The following ELAPOR2 variants were observed in gnomAD, a reference collection of about 807,000 sequenced individuals.
ELAPOR2 encodes the protein endosome/lysosome-associated apoptosis and autophagy regulator family member 2.
A neutral mutation model predicts 120.7 loss-of-function variants in ELAPOR2; 89 were observed. The observed-to-expected ratio is 0.74, with a 90% CI of 0.62 to 0.88. The LOEUF is 0.88. ELAPOR2 is among the 40% of genes least tolerant of loss of function. ELAPOR2 has a pLI of 0.00. For synonymous variants in ELAPOR2, 444 were observed against 444.9 expected (o/e 1.00, Z 0.03); for missense variants, 1,134 against 1,251.6 (o/e 0.91, Z 1.42).
chr7:86,985,616 A>T (rs1792699103), intron 1 of ELAPOR2, among the ~76,000 whole-genome samples: 1 of 152,188 alleles, frequency 6.6e-6, no homozygotes, highest in African/African-American at 2.4e-5. Flanking sequence ...TAGATGCAGA[A>T]AAGGCCTTCA....
At chr7:87,053,090 G>A (rs919912241) in intron 1 of ELAPOR2, among the ~76,000 whole-genome samples, 2 of 152,022 alleles carry the variant, frequency 1.3e-5, no homozygotes, top group African/African-American at 2.4e-5. Flanking sequence ...GGGCCACCTC[G>A]CCCAAACTGA....
intron 1 of ELAPOR2, among the ~76,000 whole-genome samples, chr7:87,047,063 A>G (rs541141127): frequency 2.0e-5 from 3 of 152,336 alleles, no homozygotes; most frequent in South Asian, 4.1e-4. Context: ...TTTTTGACAA[A>G]GGTACCAAGA....
intron 1 of ELAPOR2, among the ~76,000 whole-genome samples, chr7:86,975,847 T>C (rs1792266710): frequency 6.6e-6 from 1 of 152,136 alleles, no homozygotes; most frequent in Non-Finnish European, 1.5e-5. Context: ...TGGTAGGGAG[T>C]TACCGGGCTT....
intron 1 of ELAPOR2, among the ~76,000 whole-genome samples, chr7:86,968,615 T>C (rs1480922351): frequency 1.3e-5 from 2 of 152,226 alleles, no homozygotes; most frequent in African/African-American, 4.8e-5. Flanking sequence ...AGGTGCAGGC[T>C]GCTATAGAAA....
At position 86,880,543 on chromosome 7, in the gene ELAPOR2, A is replaced by G; in HGVS notation, c.3031-13T>C. On this transcript the variant is annotated splice_polypyrimidine_tract_variant and intron_variant, in intron 21 of 21. Coordinates refer to ENST00000450689, the MANE Select transcript of ELAPOR2 (RefSeq NM_001142749.3). Reference sequence around the variant, plus strand: ...GGTCTTCTTTTTCCTAAGAAAAAATATTAAAGACAAAATCAACTCACTGAA... The same window carrying G: ...GGTCTTCTTTTTCCTAAGAAAAAATGTTAAAGACAAAATCAACTCACTGAA... 2.0e-6 allele frequency: 3 copies of G among 1,534,400 alleles called. No individual in the cohort carries two copies. The highest frequency in any genetic ancestry group is 2.7e-6 in the Non-Finnish European group (3 of 1,109,614).
chr7:86,973,140 A>G (rs1302215613), intron 1 of ELAPOR2, among the ~76,000 whole-genome samples: 1 of 152,086 alleles, frequency 6.6e-6, no homozygotes, highest in Non-Finnish European at 1.5e-5. Flanking sequence ...TACACTCCAC[A>G]GCCAGTTCTA....
At chr7:86,948,381 C>T (rs958489536) in intron 2 of ELAPOR2, among the ~76,000 whole-genome samples, 1 of 152,178 alleles carries the variant, frequency 6.6e-6, no homozygotes, top group African/African-American at 2.4e-5. Flanking sequence ...TTATGCTAAT[C>T]AGTGGATAAG....
chr7:87,018,149 T>C (rs1475507061), intron 1 of ELAPOR2, among the ~76,000 whole-genome samples: 1 of 152,042 alleles, frequency 6.6e-6, no homozygotes, highest in Non-Finnish European at 1.5e-5. Flanking sequence ...TAAACGATTC[T>C]CCTGCCTCAG....
chr7:86,979,918 T>G (rs1379066659), intron 1 of ELAPOR2, among the ~76,000 whole-genome samples: 4 of 152,170 alleles, frequency 2.6e-5, no homozygotes, highest in Non-Finnish European at 5.9e-5. Flanking sequence ...TTTTTTCCAC[T>G]TATCACTAGA....
intron 18 of ELAPOR2, among the ~76,000 whole-genome samples, chr7:86,899,184 C>A (rs1028740223): frequency 6.6e-6 from 1 of 152,154 alleles, no homozygotes; most frequent in Non-Finnish European, 1.5e-5. Flanking sequence ...CAGCTTGCCT[C>A]TTTCATTCTG....
chr7:86,988,680 C>T (rs764958381), intron 1 of ELAPOR2, among the ~76,000 whole-genome samples: 5 of 152,156 alleles, frequency 3.3e-5, no homozygotes, highest in Non-Finnish European at 7.4e-5. Flanking sequence ...AGACAGTTTT[C>T]AAAAAGTATG....
chr7:86,942,205 C>T, intron 4 of ELAPOR2, 101 bp from the exon 5 acceptor site: 1 of 617,612 alleles, frequency 1.6e-6, no homozygotes, highest in South Asian at 2.2e-5. Context: ...TCAATACCTT[C>T]TAAACAATGG....
Position 86,880,398 on chromosome 7 carries a change from C to A in ELAPOR2, c.*73G>T. The A allele has an allele frequency of 9.2e-7, 1 of 1,084,002 alleles. No individual in the cohort carries two copies. Among genetic ancestry groups the A allele is most frequent in the Non-Finnish European group, 1.4e-6 (1 of 700,706 alleles). 67.1% of individuals were successfully genotyped at this position (1,084,002 alleles called of 1,614,324 possible). A position where few individuals can be genotyped will look rare whatever the true frequency, so the allele number is the denominator to read the frequency against. On this transcript the variant is annotated 3_prime_UTR_variant, in exon 22 of 22. Transcript: ENST00000450689. ...CCAATGTGACAGGTATGAGGACAGA[C>A]CCTAAAATATGGTCCTGTAAAACTA...
chr7:86,953,221 A>G (rs976277516), intron 2 of ELAPOR2, among the ~76,000 whole-genome samples: 20 of 152,196 alleles, frequency 1.3e-4, no homozygotes, highest in African/African-American at 4.6e-4. Flanking sequence ...AATTAGTTGA[A>G]TAAGTATAGG....
At chr7:86,978,765 T>TC (rs1792363320) in intron 1 of ELAPOR2, among the ~76,000 whole-genome samples, 1 of 152,214 alleles carries the variant, frequency 6.6e-6, no homozygotes, top group South Asian at 2.1e-4. Flanking sequence ...CTTTATCTTG[T>TC]AAGGCTATAG....
At chr7:86,953,148 G>A (rs1266274746) in intron 2 of ELAPOR2, among the ~76,000 whole-genome samples, 1 of 150,260 alleles carries the variant, frequency 6.7e-6, no homozygotes, top group East Asian at 1.9e-4. Context: ...CAGGGACATG[G>A]GACACACATC....
intron 1 of ELAPOR2, among the ~76,000 whole-genome samples, chr7:86,996,223 C>T (rs1384480557): frequency 6.6e-6 from 1 of 152,038 alleles, no homozygotes; most frequent in Non-Finnish European, 1.5e-5. Context: ...AGAAGGAGAG[C>T]TCTACTTTAA....
chr7:86,974,684 T>C (rs1014400371), intron 1 of ELAPOR2, among the ~76,000 whole-genome samples: 5 of 151,900 alleles, frequency 3.3e-5, no homozygotes, highest in East Asian at 1.9e-4. Context: ...AACTAAGTGA[T>C]GTGACTATCT....
rs191869402 is a variant in ELAPOR2, at chr7:86,878,403, A to C, written c.*2068T>G. 13 of 152,246 alleles carry C rather than the reference A, an allele frequency of 8.5e-5. No homozygotes were observed. The highest frequency in any genetic ancestry group is 1.8e-4 in the Non-Finnish European group (12 of 68,046). 9.4% of individuals were successfully genotyped at this position (152,246 alleles called of 1,614,324 possible). A position where few individuals can be genotyped will look rare whatever the true frequency, so the allele number is the denominator to read the frequency against. ...AATATCTAAAATTAGAAATAAAATA[A>C]ATTCTCCAATATCAACTACATTTTC... On this transcript the variant is annotated 3_prime_UTR_variant, in exon 22 of 22. Coordinates refer to ENST00000450689, the MANE Select transcript of ELAPOR2 (RefSeq NM_001142749.3).
Sources: allele counts gnomAD v4.1 joint callset (sites outside exome capture counted in the v4.1 genomes callset), GRCh38; gene constraint gnomAD v4.1.1; transcripts MANE v1.5; gene names NCBI Gene and HGNC (gene_info 2026-07-23, HGNC 2026-07-21).